The following CHODL variants were observed in gnomAD, a reference collection of about 807,000 sequenced individuals.
CHODL encodes the protein transmembrane protein MT75.
In CHODL, 29 loss-of-function variants were observed where a neutral mutation model predicts 34.5. The ratio of observed to expected loss-of-function variants is 0.84; its 90% CI spans 0.63 to 1.15. The LOEUF (loss-of-function observed/expected upper bound fraction) is 1.15. Ranked by LOEUF, CHODL falls within the 50% of genes most tolerant of loss-of-function variation. The pLI, the probability that CHODL is intolerant of heterozygous loss-of-function variation, is 0.00. For missense variants in CHODL, 332 were observed against 332.5 expected (o/e 1.00, Z 0.01); for synonymous variants, 125 against 116.1 (o/e 1.08, Z -0.49).
At chr21:17,942,482 C>T (rs1255219557) in intron 1 of CHODL, among the ~76,000 whole-genome samples, 1 of 152,152 alleles carries the variant, frequency 6.6e-6, no homozygotes, top group African/African-American at 2.4e-5. Flanking sequence ...GCCTCCCTGG[C>T]CACATGGAAC....
chr21:18,020,017 AAGGACTGGC>A (rs2064112999), intron 1 of CHODL, among the ~76,000 whole-genome samples: 1 of 152,144 alleles, frequency 6.6e-6, no homozygotes, highest in Non-Finnish European at 1.5e-5. Flanking sequence ...TCTCTACTGG[AAGGACTGGC>A]AGGTCATATG....
chr21:17,927,094 ATATCTGTGTG>A (rs2063231216), intron 1 of CHODL, among the ~76,000 whole-genome samples: 1 of 149,822 alleles, frequency 6.7e-6, no homozygotes, highest in African/African-American at 2.4e-5. Flanking sequence ...GTATGTATGT[ATATCTGTGTG>A]TATGTATATA....
intron 2 of CHODL, among the ~76,000 whole-genome samples, chr21:18,189,861 G>T (rs2073490847): frequency 1.3e-5 from 2 of 151,850 alleles, no homozygotes; most frequent in Admixed American, 6.6e-5. Flanking sequence ...TCTTGAACTT[G>T]TGACCTCAGA....
chr21:17,957,414 A>C (rs1306200813), intron 1 of CHODL, among the ~76,000 whole-genome samples: 1 of 152,088 alleles, frequency 6.6e-6, no homozygotes, highest in Non-Finnish European at 1.5e-5. Context: ...ATGTTTCCTG[A>C]TCTTGCTCTT....
intron 2 of CHODL, among the ~76,000 whole-genome samples, chr21:18,174,157 A>ATCTTGGTATG (rs1555879241): frequency 1.1e-5 from 1 of 88,222 alleles, no homozygotes; most frequent in Non-Finnish European, 2.6e-5. Context: ...ATATATATAT[A>ATCTTGGTATG]TATAAAATCA....
chr21:18,227,525 A>T lies in CHODL; in HGVS notation c.-44-28984A>T, dbSNP rs142937377. 5.2e-4 allele frequency among the ~76,000 whole-genome samples: 79 copies of T among 152,298 alleles called. 2 individuals are homozygous for T. The highest frequency in any genetic ancestry group is 5.1e-3 in the Admixed American group (78 of 15,280). Reference sequence around the variant, plus strand: ...TCATATGAAGAAGACAAACATGATCATTAAACTAGTAAATAAAATCTTCTC... The same window carrying T: ...TCATATGAAGAAGACAAACATGATCTTTAAACTAGTAAATAAAATCTTCTC... On this transcript the variant is annotated intron_variant, in intron 2 of 6. Transcript: ENST00000400127.
At chr21:18,085,713 A>G (rs1169281765) in intron 2 of CHODL, among the ~76,000 whole-genome samples, 2 of 152,220 alleles carry the variant, frequency 1.3e-5, no homozygotes, top group African/African-American at 4.8e-5. Flanking sequence ...TTTCTGCTAA[A>G]AAGTCCACTG....
At chr21:18,019,936 C>A (rs1397428072) in intron 1 of CHODL, among the ~76,000 whole-genome samples, 1 of 152,002 alleles carries the variant, frequency 6.6e-6, no homozygotes, top group East Asian at 1.9e-4. Context: ...GTCACATTTA[C>A]CCACATTCTA....
At chr21:18,195,397 T>G (rs983925644) in intron 2 of CHODL, among the ~76,000 whole-genome samples, 2 of 152,078 alleles carry the variant, frequency 1.3e-5, no homozygotes, top group African/African-American at 4.8e-5. Flanking sequence ...ATATAGTAGA[T>G]CTCCTGAACT....
At chr21:17,936,357 A>G (rs2824561) in intron 1 of CHODL, among the ~76,000 whole-genome samples, 48,239 of 151,982 alleles carry the variant, frequency 0.32, 8,691 homozygotes, top group South Asian at 0.47. Flanking sequence ...TAAATCATCA[A>G]AATGAGGAAG....
At chr21:18,229,682 A>G (rs1045723568) in intron 2 of CHODL, among the ~76,000 whole-genome samples, 2 of 152,148 alleles carry the variant, frequency 1.3e-5, no homozygotes, top group Non-Finnish European at 2.9e-5. Flanking sequence ...ACTACCCACA[A>G]TTTGTTTTCT....
intron 2 of CHODL, among the ~76,000 whole-genome samples, chr21:18,157,957 A>T (rs1601083421): frequency 6.7e-6 from 1 of 149,502 alleles, no homozygotes; most frequent in African/African-American, 2.4e-5. Flanking sequence ...GAAAAGAAGT[A>T]AAAAAAAAAG....
At chr21:18,121,492 C>G (rs1405857861) in intron 2 of CHODL, among the ~76,000 whole-genome samples, 3 of 152,176 alleles carry the variant, frequency 2.0e-5, no homozygotes, top group African/African-American at 7.2e-5. Context: ...AGAGGCATCT[C>G]AAACTTAACA....
chr21:18,185,951 ACCATCG>A (rs1396281490), intron 2 of CHODL, among the ~76,000 whole-genome samples: 1 of 152,110 alleles, frequency 6.6e-6, no homozygotes, highest in Admixed American at 6.6e-5. Context: ...ACCTTCTAAT[ACCATCG>A]CCTTAGTGAT....
chr21:18,073,074 T>C (rs187411036), intron 2 of CHODL, among the ~76,000 whole-genome samples: 4 of 152,262 alleles, frequency 2.6e-5, no homozygotes, highest in African/African-American at 9.6e-5. Context: ...ATGGGAAATA[T>C]TACAAACCAT....
rs1011694388 is a variant in CHODL at position 17,978,064 on chromosome 21, C to A, written c.-144-49808C>A. ...TAAATCAAACCCATCTGTTATCCCA[C>A]AGTTCTGTAGGTCAGAAATCCTAGT... On this transcript the variant is annotated intron_variant, in intron 1 of 6. Coordinates refer to the CHODL transcript ENST00000400127. Among the ~76,000 whole-genome samples, 6 of 152,140 alleles carry A rather than the reference C, an allele frequency of 3.9e-5. No individual in the cohort carries two copies. The East Asian group carries it at 1.2e-3, about 29-fold the overall frequency.
chr21:18,019,145 A>G (rs2064103838), intron 1 of CHODL, among the ~76,000 whole-genome samples: 1 of 152,252 alleles, frequency 6.6e-6, no homozygotes, highest in Non-Finnish European at 1.5e-5. Flanking sequence ...CTTGCTACAT[A>G]TTAAGATATC....
At chr21:18,032,708 T>C (rs2064261658) in intron 2 of CHODL, among the ~76,000 whole-genome samples, 1 of 152,046 alleles carries the variant, frequency 6.6e-6, no homozygotes, top group African/African-American at 2.4e-5. Context: ...TTTCCTTTTT[T>C]TTCCCCACTG....
chr21:18,232,030 G>A (rs2073983940), intron 2 of CHODL, among the ~76,000 whole-genome samples: 1 of 151,944 alleles, frequency 6.6e-6, no homozygotes, highest in South Asian at 2.1e-4. Context: ...AGAGAGAAGA[G>A]CACTGTTGAA....
Sources: allele counts gnomAD v4.1 joint callset (sites outside exome capture counted in the v4.1 genomes callset), GRCh38; gene constraint gnomAD v4.1.1; transcripts MANE v1.5; gene names NCBI Gene and HGNC (gene_info 2026-07-23, HGNC 2026-07-21).